The following LIMCH1 variants were observed in gnomAD, a reference collection of about 807,000 sequenced individuals.
The protein encoded by LIMCH1 is LIM and calponin homology domains-containing protein 1.
In LIMCH1, 113 loss-of-function variants were observed where a neutral mutation model predicts 176.5. The observed-to-expected ratio is 0.64, with a 90% CI of 0.55 to 0.75. LIMCH1 has a LOEUF of 0.75. Among genes scored for constraint, LIMCH1 ranks in the 30% least tolerant of loss-of-function variants. The probability of loss-of-function intolerance (pLI) is 0.00; values close to 1 mark genes in which losing one functional copy is unlikely to be tolerated. For missense variants in LIMCH1, 1,674 were observed against 1,814.9 expected (o/e 0.92, Z 1.41); for synonymous variants, 619 against 645.9 (o/e 0.96, Z 0.63).
At chr4:41,510,890 A>G (rs960753121) in intron 2 of LIMCH1, among the ~76,000 whole-genome samples, 1 of 152,144 alleles carries the variant, frequency 6.6e-6, no homozygotes, top group African/African-American at 2.4e-5. Flanking sequence ...CACCCGACCA[A>G]ATGATTTCTT....
chr4:41,697,267 C>G lies in LIMCH1; in HGVS notation c.*82C>G. On this transcript the variant is annotated 3_prime_UTR_variant, in exon 32 of 32. Transcript: ENST00000503057. Reference sequence around the variant, plus strand: ...CAACTGCTTAACAAAATCCCAAGCTCAGGGGCTTCTCAGCATTTACCTAAT... The same window carrying G: ...CAACTGCTTAACAAAATCCCAAGCTGAGGGGCTTCTCAGCATTTACCTAAT... 7.7e-7 allele frequency: 1 copy of G among 1,306,602 alleles called. No homozygotes were observed. The highest frequency in any genetic ancestry group is 1.7e-5 in the Admixed American group (1 of 58,446). The allele number at this position is 1,306,602 out of a possible 1,614,324, so 80.9% of individuals were successfully genotyped here.
intron 1 of LIMCH1, among the ~76,000 whole-genome samples, chr4:41,564,294 T>A (rs868859126): frequency 6.6e-6 from 1 of 152,292 alleles, no homozygotes; most frequent in Admixed American, 6.5e-5. Context: ...TCTCACCCAT[T>A]TGCTCTGGCG....
At position 41,382,032 on chromosome 4, in the gene LIMCH1, T is replaced by C. The variant is rs113967523; in HGVS notation, c.96+21096T>C. Among the ~76,000 whole-genome samples the C allele has an allele frequency of 1.8e-3, 274 of 152,320 alleles. 2 individuals carry two copies. The highest frequency in any genetic ancestry group is 5.8e-3 in the African/African-American group (242 of 41,570). On this transcript the variant is annotated intron_variant, in intron 1 of 26. Transcript: ENST00000313860. ...GGCAAAACATCCTCTGATTGAGAAC[T>C]TGTGCTCCAGACTTATGAGTGCGTC...
intron 1 of LIMCH1, among the ~76,000 whole-genome samples, chr4:41,366,381 C>T (rs1275381234): frequency 6.6e-6 from 1 of 152,108 alleles, no homozygotes; most frequent in Non-Finnish European, 1.5e-5. Context: ...ATTAGGTTTT[C>T]CTTTTAAGCC....
At chr4:41,667,898 G>A (rs947119058) in intron 21 of LIMCH1, among the ~76,000 whole-genome samples, 8 of 151,678 alleles carry the variant, frequency 5.3e-5, no homozygotes, top group African/African-American at 9.7e-5. Flanking sequence ...TTGGGAGGCC[G>A]AGGCAGGAGG....
chr4:41,540,407 C>A (rs1277331569), intron 1 of LIMCH1, among the ~76,000 whole-genome samples: 6 of 152,132 alleles, frequency 3.9e-5, no homozygotes, highest in Non-Finnish European at 2.9e-5. Context: ...GATTTTTAAA[C>A]CTTCTCTTGT....
chr4:41,683,029 G>A (rs1316454065), intron 26 of LIMCH1, among the ~76,000 whole-genome samples: 2 of 152,072 alleles, frequency 1.3e-5, no homozygotes, highest in Admixed American at 6.6e-5. Flanking sequence ...AAGGGGGGCA[G>A]TATCAGTCTT....
At chr4:41,402,221 A>AG (rs2058519465) in intron 1 of LIMCH1, among the ~76,000 whole-genome samples, 1 of 152,118 alleles carries the variant, frequency 6.6e-6, no homozygotes. Context: ...AAGACACATG[A>AG]AAAATGCTCA....
chr4:41,575,014 A>G (rs1195647501), intron 1 of LIMCH1, among the ~76,000 whole-genome samples: 3 of 152,150 alleles, frequency 2.0e-5, no homozygotes, highest in Non-Finnish European at 2.9e-5. Context: ...AATCCTACTG[A>G]TGCACTCCCA....
chr4:41,670,722 G>A (rs773538189), intron 21 of LIMCH1: 55 of 1,534,898 alleles, frequency 3.6e-5, no homozygotes, highest in East Asian at 4.9e-5. Context: ...ATCTAGAGTC[G>A]CCTGGCACTG....
At chr4:41,466,831 A>G (rs2066185756) in intron 1 of LIMCH1, among the ~76,000 whole-genome samples, 1 of 152,130 alleles carries the variant, frequency 6.6e-6, no homozygotes, top group Non-Finnish European at 1.5e-5. Flanking sequence ...CGTGAAGTGC[A>G]TTCACATTTT....
intron 7 of LIMCH1, among the ~76,000 whole-genome samples, chr4:41,625,403 C>T (rs2092880798): frequency 6.6e-6 from 1 of 152,316 alleles, no homozygotes; most frequent in East Asian, 1.9e-4. Context: ...CCTGTGAATA[C>T]AATCCTACAT....
chr4:41,417,772 C>A (rs2060073958), intron 1 of LIMCH1, among the ~76,000 whole-genome samples: 1 of 152,208 alleles, frequency 6.6e-6, no homozygotes, highest in South Asian at 2.1e-4. Context: ...GAGCCGCCCA[C>A]CTCAGCCTCC....
chr4:41,685,773 C>T lies in LIMCH1; in HGVS notation c.4031C>T (p.Thr1344Ile), dbSNP rs1343536157. The change falls in exon 28 of 32, where the codon ACC (threonine) becomes ATC (isoleucine). Residue 1344 changes from threonine (T) to isoleucine (I), a missense_variant. Transcript: ENST00000503057. ...AGTTCAGAAGATGTGAAGCCAAAAA[C>T]CCTCCCGCTGGATAAAAGCATTAAC... ...THSSEDVKPKTLPLDKSINHQ... is the reference protein window; with the variant it reads ...THSSEDVKPKILPLDKSINHQ... 1 of 1,613,636 alleles carries T rather than the reference C, an allele frequency of 6.2e-7. No homozygotes were observed. Among genetic ancestry groups the T allele is most frequent in the Admixed American group, 1.7e-5 (1 of 59,980 alleles).
chr4:41,625,233 G>A (rs1456655052), intron 7 of LIMCH1, among the ~76,000 whole-genome samples: 1 of 152,104 alleles, frequency 6.6e-6, no homozygotes, highest in East Asian at 1.9e-4. Flanking sequence ...ATGAAAGTTA[G>A]TGTATCTGGA....
At chr4:41,581,911 G>C (rs183158477) in intron 1 of LIMCH1, among the ~76,000 whole-genome samples, 7 of 150,696 alleles carry the variant, frequency 4.6e-5, no homozygotes, top group Non-Finnish European at 8.8e-5. Flanking sequence ...ATGTCCTCCA[G>C]AGTTCATCCA....
chr4:41,550,057 T>A (rs1262534465), intron 1 of LIMCH1, among the ~76,000 whole-genome samples: 1 of 151,682 alleles, frequency 6.6e-6, no homozygotes, highest in Non-Finnish European at 1.5e-5. Context: ...TGTACCAACC[T>A]AATAATAAAA....
intron 2 of LIMCH1, among the ~76,000 whole-genome samples, chr4:41,502,997 C>CCA (rs1272451618): frequency 4.2e-4 from 54 of 127,450 alleles, no homozygotes; most frequent in Non-Finnish European, 7.2e-4. Flanking sequence ...ACTGGTCTGT[C>CCA]TGTCCATCCA....
chr4:41,682,678 CTTT>C (rs397975995), intron 26 of LIMCH1, among the ~76,000 whole-genome samples: 3 of 139,030 alleles, frequency 2.2e-5, no homozygotes, highest in Non-Finnish European at 3.1e-5. Flanking sequence ...TCTTCTTCTT[CTTT>C]TTTTTTTTTT....
Sources: allele counts gnomAD v4.1 joint callset (sites outside exome capture counted in the v4.1 genomes callset), GRCh38; gene constraint gnomAD v4.1.1; transcripts MANE v1.5; gene names NCBI Gene and HGNC (gene_info 2026-07-23, HGNC 2026-07-21).